FANCC: variants seen among roughly 807,000 people sequenced by gnomAD.
FANCC encodes FA complementation group C, also known as Fanconi anemia group C protein.
In FANCC, 55 loss-of-function variants were observed where a neutral mutation model predicts 71.3. That is an observed-to-expected ratio of 0.77 (90% CI 0.62 to 0.97). The LOEUF (loss-of-function observed/expected upper bound fraction) is 0.97, where lower values mean the gene tolerates loss of function less well. FANCC is among the 50% of genes least tolerant of loss of function. The pLI, the probability that FANCC is intolerant of heterozygous loss-of-function variation, is 0.00. For synonymous variants in FANCC, 275 were observed against 244.9 expected (o/e 1.12, Z -1.15); for missense variants, 678 against 670.9 (o/e 1.01, Z -0.12).
rs138712082 is a variant in FANCC, at chr9:95,167,548, T to G, written c.521+3531A>C. On this transcript the variant is annotated intron_variant, in intron 6 of 14. Coordinates refer to ENST00000289081, the MANE Select transcript of FANCC (RefSeq NM_000136.3). Reference sequence around the variant, plus strand: ...TTAATAATTTCAAATGATTTGTGTTTAAGTTTTCTGACCCTTTCTTCTGTT... The same window carrying G: ...TTAATAATTTCAAATGATTTGTGTTGAAGTTTTCTGACCCTTTCTTCTGTT... Among the ~76,000 whole-genome samples, 187 of 152,304 alleles carry G rather than the reference T, an allele frequency of 1.2e-3. 2 individuals carry two copies. The highest frequency in any genetic ancestry group is 4.4e-3 in the African/African-American group (181 of 41,574).
intron 7 of FANCC, among the ~76,000 whole-genome samples, chr9:95,144,671 G>C (rs1317468005): frequency 6.6e-6 from 1 of 152,210 alleles, no homozygotes; most frequent in Non-Finnish European, 1.5e-5. Context: ...TATATTCCTA[G>C]ATGAATCAAG....
intron 7 of FANCC, among the ~76,000 whole-genome samples, chr9:95,138,668 C>G (rs1210179815): frequency 6.6e-6 from 1 of 152,208 alleles, no homozygotes; most frequent in Non-Finnish European, 1.5e-5. Flanking sequence ...AGTACCACAT[C>G]CTGGCCGAGA....
intron 4 of FANCC, among the ~76,000 whole-genome samples, chr9:95,239,263 G>A (rs1830499124): frequency 6.6e-6 from 1 of 152,114 alleles, no homozygotes; most frequent in Non-Finnish European, 1.5e-5. Flanking sequence ...GAGTGACCTG[G>A]TTACCAGTCT....
intron 4 of FANCC, among the ~76,000 whole-genome samples, chr9:95,221,689 G>T (rs918313511): frequency 6.6e-6 from 1 of 152,144 alleles, no homozygotes; most frequent in Non-Finnish European, 1.5e-5. Flanking sequence ...TTAAGAAGAA[G>T]ATAAATATTT....
At chr9:95,181,400 T>C (rs1226515921) in intron 4 of FANCC, among the ~76,000 whole-genome samples, 3 of 152,126 alleles carry the variant, frequency 2.0e-5, no homozygotes, top group Non-Finnish European at 2.9e-5. Context: ...AACTTAAATA[T>C]TGATGAGCAT....
chr9:95,211,474 T>G (rs892804641), intron 4 of FANCC, among the ~76,000 whole-genome samples: 52 of 152,190 alleles, frequency 3.4e-4, no homozygotes, highest in African/African-American at 1.2e-3. Context: ...TAAAATTAAT[T>G]ATCTGTGCAT....
At chr9:95,150,152 A>C in intron 6 of FANCC, 65 bp from the exon 7 acceptor site, 1 of 1,572,658 alleles carries the variant, frequency 6.4e-7, no homozygotes, top group Non-Finnish European at 8.7e-7. Context: ...GACATATAAA[A>C]ACCTTCATGC....
chr9:95,274,461 T>A (rs576500972), intron 1 of FANCC, among the ~76,000 whole-genome samples: 2 of 152,344 alleles, frequency 1.3e-5, no homozygotes, highest in South Asian at 4.1e-4. Flanking sequence ...GTCTTTGCTA[T>A]TGTGAACAGT....
chr9:95,206,713 C>T (rs1828143923), intron 4 of FANCC, among the ~76,000 whole-genome samples: 1 of 152,096 alleles, frequency 6.6e-6, no homozygotes, highest in Admixed American at 6.6e-5. Context: ...ACCAAGGGAA[C>T]AATAAAATTC....
intron 1 of FANCC, among the ~76,000 whole-genome samples, chr9:95,310,288 G>A (rs1303327229): frequency 1.3e-5 from 2 of 151,966 alleles, no homozygotes; most frequent in African/African-American, 4.8e-5. Flanking sequence ...GATTCCTGGA[G>A]CCCAGGAGTT....
chr9:95,113,357 A>G (rs2072115423), intron 12 of FANCC, among the ~76,000 whole-genome samples: 1 of 152,238 alleles, frequency 6.6e-6, no homozygotes, highest in Non-Finnish European at 1.5e-5. Context: ...AGATAGTCTT[A>G]GTAGGCTAGC....
intron 7 of FANCC, among the ~76,000 whole-genome samples, chr9:95,147,642 T>C (rs1218373455): frequency 1.3e-5 from 2 of 152,244 alleles, no homozygotes; most frequent in African/African-American, 2.4e-5. Flanking sequence ...GTGAGGAAAG[T>C]TATTTTTCCC....
intron 4 of FANCC, among the ~76,000 whole-genome samples, chr9:95,206,342 A>G (rs1828120064): frequency 6.6e-6 from 1 of 152,188 alleles, no homozygotes; most frequent in African/African-American, 2.4e-5. Flanking sequence ...GGGAAGCATG[A>G]TGATTAAAGA....
intron 1 of FANCC, chr9:95,294,729 G>A: frequency 1.2e-6 from 2 of 1,602,482 alleles, no homozygotes; most frequent in South Asian, 2.2e-5. Context: ...TGGCTGATAT[G>A]GCCTGGAACA....
chr9:95,273,498 T>A (rs1832855293), intron 1 of FANCC, among the ~76,000 whole-genome samples: 1 of 152,158 alleles, frequency 6.6e-6, no homozygotes, highest in Non-Finnish European at 1.5e-5. Flanking sequence ...CTGGTCCAAA[T>A]AGGAAGTGGA....
chr9:95,202,164 G>A (rs1827847864), intron 4 of FANCC, among the ~76,000 whole-genome samples: 1 of 152,214 alleles, frequency 6.6e-6, no homozygotes, highest in Non-Finnish European at 1.5e-5. Flanking sequence ...GGAGAAGGAG[G>A]AAAATTTCCT....
intron 3 of FANCC, among the ~76,000 whole-genome samples, chr9:95,242,086 T>C (rs1214573895): frequency 1.3e-5 from 2 of 152,226 alleles, no homozygotes; most frequent in Non-Finnish European, 2.9e-5. Flanking sequence ...CCCATTTTTT[T>C]CCCTGTGAAC....
chr9:95,134,424 C>T (rs762403790), intron 8 of FANCC, among the ~76,000 whole-genome samples: 5 of 152,130 alleles, frequency 3.3e-5, no homozygotes, highest in African/African-American at 4.8e-5. Flanking sequence ...CCCAGTGTCC[C>T]GGCCACTAAC....
chr9:95,207,728 T>C lies in FANCC; in HGVS notation c.345+32921A>G, dbSNP rs1258047954. Among the ~76,000 whole-genome samples the C allele has an allele frequency of 3.9e-5, 6 of 152,300 alleles. No homozygotes were observed. In the South Asian group the frequency reaches 1.0e-3, roughly 26 times the overall value. On this transcript the variant is annotated intron_variant, in intron 4 of 14. Transcript: ENST00000289081. ...CTAGCCACCCCCACCTATTTCATTA[T>C]ATACTGTACCTGTGGCAAAATGTTA...
Sources: allele counts gnomAD v4.1 joint callset (sites outside exome capture counted in the v4.1 genomes callset), GRCh38; gene constraint gnomAD v4.1.1; transcripts MANE v1.5; gene names NCBI Gene and HGNC (gene_info 2026-07-23, HGNC 2026-07-21).